GNA11: variants seen among roughly 807,000 people sequenced by gnomAD.
The protein encoded by GNA11 is guanine nucleotide-binding protein subunit alpha-11.
Under a neutral mutation model 38.2 loss-of-function variants are expected in GNA11, and 8 were observed. The observed-to-expected ratio is 0.21, with a 90% CI of 0.12 to 0.38. The LOEUF is 0.38. GNA11 is among the 10% of genes least tolerant of loss of function. The pLI is 1.00. For synonymous variants in GNA11, 211 were observed against 221.4 expected (o/e 0.95, Z 0.42); for missense variants, 268 against 516.3 (o/e 0.52, Z 4.66).
At chr19:3,101,554 G>C (rs1434394970) in intron 1 of GNA11, among the ~76,000 whole-genome samples, 1 of 5,468 alleles carries the variant, frequency 1.8e-4, no homozygotes, top group Non-Finnish European at 3.2e-4. Context: ...GATGTCTGGA[G>C]AGGGGGCCTG....
chr19:3,116,184 G>T (rs1435190640), intron 4 of GNA11, among the ~76,000 whole-genome samples: 1 of 152,116 alleles, frequency 6.6e-6, no homozygotes, highest in Non-Finnish European at 1.5e-5. Flanking sequence ...CTGGTAGGCT[G>T]CTCAGCTGGC....
chr19:3,119,882 C>T lies in GNA11; in HGVS notation c.889+523C>T, dbSNP rs1914022954. 6.6e-6 allele frequency among the ~76,000 whole-genome samples: 1 copy of T among 152,044 alleles called. No homozygotes were observed. The highest frequency in any genetic ancestry group is 1.5e-5 in the Non-Finnish European group (1 of 67,980). ...TACTGCCCCCACCCTCGGACCCGTC[C>T]CTCCCTACGTGGCCCCTGCCCCACG... is the stretch of plus-strand genomic sequence containing the variant. On this transcript the variant is annotated intron_variant, in intron 6 of 6. Transcript: ENST00000078429. This position sits in a 1 kb window ranked among gnomAD's most constrained non-coding sequence, Gnocchi z 4.6.
intron 1 of GNA11, among the ~76,000 whole-genome samples, chr19:3,101,712 C>T (rs1913512581): frequency 6.6e-6 from 1 of 152,186 alleles, no homozygotes; most frequent in Non-Finnish European, 1.5e-5. Context: ...AGATGGGCTG[C>T]ACAAGGCTGG....
intron 1 of GNA11, among the ~76,000 whole-genome samples, chr19:3,101,413 A>G (rs1913504177): frequency 6.6e-6 from 1 of 151,668 alleles, no homozygotes; most frequent in African/African-American, 2.4e-5. Context: ...GCCCCCAGGG[A>G]CTGTGGGGCC....
At chr19:3,099,256 C>T (rs1475966459) in intron 1 of GNA11, among the ~76,000 whole-genome samples, 1 of 152,048 alleles carries the variant, frequency 6.6e-6, no homozygotes, top group East Asian at 1.9e-4. Context: ...TGGGACCCAG[C>T]GCCCCTTCTG....
Position 3,103,519 on chromosome 19 carries a change from C to CGTT in GNA11, c.137-6630_137-6629insGTT, listed in dbSNP as rs1370578226. 1.2e-3 allele frequency among the ~76,000 whole-genome samples: 57 copies of CGTT among 45,816 alleles called. 2 individuals carry two copies. The highest frequency in any genetic ancestry group is 2.8e-3 in the Admixed American group (8 of 2,876). 30.1% of individuals were successfully genotyped at this position (45,816 alleles called of 152,430 possible). ...TGAGCCACTGCGCCCGGCCTTGAAT[C>CGTT]TTTTTTTTTTTTTTTTTTTTTTTTT... On this transcript the variant is annotated intron_variant, in intron 1 of 6. Coordinates refer to ENST00000078429, the MANE Select transcript of GNA11 (RefSeq NM_002067.5).
chr19:3,106,990 G>A (rs539487519), intron 1 of GNA11, among the ~76,000 whole-genome samples: 39 of 152,296 alleles, frequency 2.6e-4, no homozygotes, highest in African/African-American at 7.9e-4. Context: ...TAATCCCAGC[G>A]CTTTGGGAAG....
rs1315602892 is a variant in GNA11, at chr19:3,118,662, C to A, written c.606-262C>A. On this transcript the variant is annotated intron_variant, in intron 4 of 6. Coordinates refer to ENST00000078429, the MANE Select transcript of GNA11 (RefSeq NM_002067.5). ...GCCCAGAATCCTCTGGGTTCTCACA[C>A]CCCCACACTAGCGCCCGCTTCCCTG... The A allele has an allele frequency of 5.3e-5, 24 of 450,152 alleles. No individual in the cohort carries two copies. The Admixed American group carries it at 8.8e-4, about 17-fold the overall frequency. The allele number at this position is 450,152 out of a possible 1,614,324, so 27.9% of individuals were successfully genotyped here.
rs571918485 is a variant in GNA11 at position 3,122,948 on chromosome 19, C to A, written c.*1769C>A. The A allele has an allele frequency of 1.7e-5, 4 of 233,358 alleles. No homozygotes were observed. The South Asian group carries it at 5.4e-4, about 32-fold the overall frequency. The allele number at this position is 233,358 out of a possible 1,614,324, so 14.5% of individuals were successfully genotyped here. On this transcript the variant is annotated 3_prime_UTR_variant, in exon 7 of 7. Coordinates refer to ENST00000078429, the MANE Select transcript of GNA11 (RefSeq NM_002067.5). The surrounding 1 kb of genome is among the most constrained non-coding windows in gnomAD (Gnocchi z 7.7). ...GGGAGACGGGGCTGGCGGGATACCC[C>A]CCCCCCGGCTTCCCCACACCACTTC...
At chr19:3,095,650 A>C (rs1297139009) in intron 1 of GNA11, among the ~76,000 whole-genome samples, 1 of 151,982 alleles carries the variant, frequency 6.6e-6, no homozygotes, top group Non-Finnish European at 1.5e-5. Flanking sequence ...TGTGGGAAAA[A>C]GACAGTCTTT....
Position 3,108,118 on chromosome 19 carries a change from G to T in GNA11, c.137-2031G>T, listed in dbSNP as rs1425120437. Among the ~76,000 whole-genome samples, 1 of 152,210 alleles carries T rather than the reference G, an allele frequency of 6.6e-6. No individual in the cohort carries two copies. Among genetic ancestry groups the T allele is most frequent in the Non-Finnish European group, 1.5e-5 (1 of 68,034 alleles). On this transcript the variant is annotated intron_variant, in intron 1 of 6. Coordinates refer to ENST00000078429, the MANE Select transcript of GNA11 (RefSeq NM_002067.5). The surrounding 1 kb of genome is among the most constrained non-coding windows in gnomAD (Gnocchi z 4.5). ...CGGGGCTCCCCACTCGGGATGTGTT[G>T]GGTGTTTTGCGAGACCCCCCACAGG... is the stretch of plus-strand genomic sequence containing the variant.
rs1024270088 is a variant in GNA11 at position 3,119,530 on chromosome 19, G to A, written c.889+171G>A. Among the ~76,000 whole-genome samples the A allele has an allele frequency of 6.7e-6, 1 of 150,142 alleles. No individual in the cohort carries two copies. The highest frequency in any genetic ancestry group is 2.5e-5 in the African/African-American group (1 of 40,690). ...AGGGAAGGGAGATCTCGTATGAGGG[G>A]GGCCTGTACGGGAATGAGTTCTCCG... On this transcript the variant is annotated intron_variant, in intron 6 of 6. Coordinates refer to ENST00000078429, the MANE Select transcript of GNA11 (RefSeq NM_002067.5). This position sits in a 1 kb window ranked among gnomAD's most constrained non-coding sequence, Gnocchi z 4.6.
chr19:3,118,263 A>C (rs545605562), intron 4 of GNA11: 1 of 152,250 alleles, frequency 6.6e-6, no homozygotes, highest in East Asian at 1.9e-4. Context: ...TAGAAAACTT[A>C]GAAAAGTCAC....
chr19:3,103,975 A>G (rs375372122), intron 1 of GNA11, among the ~76,000 whole-genome samples: 2 of 152,098 alleles, frequency 1.3e-5, no homozygotes, highest in South Asian at 2.1e-4. Context: ...GTGAGCCACC[A>G]TGCCTGGCCA....
In GNA11 at chr19:3,105,170, A is replaced by G. The variant is rs561153368; in HGVS notation, c.137-4979A>G. On this transcript the variant is annotated intron_variant, in intron 1 of 6. Coordinates refer to ENST00000078429, the MANE Select transcript of GNA11 (RefSeq NM_002067.5). ...TGCTCCCCTGCCACAGGCAGGGGCC[A>G]GGCAGCATCTGTCCTGCAGGACCCT... Among the ~76,000 whole-genome samples, 48 of 152,266 alleles carry G rather than the reference A, an allele frequency of 3.2e-4. No individual in the cohort carries two copies. In the South Asian group the frequency reaches 9.5e-3, roughly 30 times the overall value.
At position 3,108,948 on chromosome 19, in the gene GNA11, G is replaced by C. The variant is rs555783561; in HGVS notation, c.137-1201G>C. Reference sequence around the variant, plus strand: ...GAAGCTGCTTGAGGGTCCTCACAGCGTGGCGGCTGCCTACCCCAGAGCCCC... The same window carrying C: ...GAAGCTGCTTGAGGGTCCTCACAGCCTGGCGGCTGCCTACCCCAGAGCCCC... On this transcript the variant is annotated intron_variant, in intron 1 of 6. Transcript: ENST00000078429. The surrounding 1 kb of genome is among the most constrained non-coding windows in gnomAD (Gnocchi z 4.5). 3.3e-5 allele frequency among the ~76,000 whole-genome samples: 5 copies of C among 152,318 alleles called. No individual in the cohort carries two copies. In the East Asian group the frequency reaches 7.7e-4, roughly 24 times the overall value.
chr19:3,120,887 C>T lies in GNA11; in HGVS notation c.890-102C>T, dbSNP rs1265497088. On this transcript the variant is annotated intron_variant, in intron 6 of 6. Coordinates refer to ENST00000078429, the MANE Select transcript of GNA11 (RefSeq NM_002067.5). The surrounding 1 kb of genome is among the most constrained non-coding windows in gnomAD (Gnocchi z 5.9). The stretch of plus-strand genomic sequence containing the variant: ...GGGCTGGGGGTCGAGCTGGGTGGGC[C>T]GTGGGCCTTACTCGCTCATCCCCTG... The T allele has an allele frequency of 9.9e-6, 8 of 804,050 alleles. No homozygotes were observed. The highest frequency in any genetic ancestry group is 4.8e-5 in the Admixed American group (2 of 41,538). 49.8% of individuals were successfully genotyped at this position (804,050 alleles called of 1,614,324 possible).
At chr19:3,113,533 G>T (rs1401042450) in intron 3 of GNA11, 49 bp downstream of exon 3, 12 of 1,382,046 alleles carry the variant, frequency 8.7e-6, no homozygotes, top group Non-Finnish European at 1.1e-5. Context: ...GCTGCGGGCC[G>T]GTGCCTGGGA....
At chr19:3,102,733 A>C (rs991213334) in intron 1 of GNA11, among the ~76,000 whole-genome samples, 6 of 152,120 alleles carry the variant, frequency 3.9e-5, no homozygotes, top group African/African-American at 1.4e-4. Context: ...AAGCTGGATG[A>C]GGGGCGTCCG....
Sources: gnomAD v4.1 joint callset for allele counts (sites outside exome capture counted in the v4.1 genomes callset) on GRCh38, gnomAD v4.1.1 for gene constraint, Gnocchi (gnomAD v3.1) non-coding constraint, MANE v1.5 for transcripts, NCBI Gene and HGNC (gene_info 2026-07-23, HGNC 2026-07-21) for gene names.